PCSK6: variants seen among roughly 807,000 people sequenced by gnomAD.
PCSK6 encodes the protein proprotein convertase subtilisin/kexin type 6, also known as paired basic amino acid cleaving enzyme 4.
PCSK6 carries 85 observed loss-of-function variants against 123.3 expected under a neutral mutation model. The ratio of observed to expected loss-of-function variants is 0.69; its 90% CI spans 0.58 to 0.83. The LOEUF (loss-of-function observed/expected upper bound fraction) is 0.83. Ranked by LOEUF, PCSK6 falls within the 40% of genes least tolerant of loss-of-function variation. The pLI, the probability that PCSK6 is intolerant of heterozygous loss-of-function variation, is 0.00. For missense variants in PCSK6, 1,191 were observed against 1,282.3 expected (o/e 0.93, Z 1.09); for synonymous variants, 508 against 516.0 (o/e 0.98, Z 0.21).
At chr15:101,349,725 CG>C (rs2141407093) in intron 13 of PCSK6, among the ~76,000 whole-genome samples, 1 of 152,266 alleles carries the variant, frequency 6.6e-6, no homozygotes, top group African/African-American at 2.4e-5. Flanking sequence ...AGCCCGTCAC[CG>C]GTGCAGCCAG....
At chr15:101,342,129 C>CAAAAAAAAA (rs35083182) in intron 13 of PCSK6, among the ~76,000 whole-genome samples, 1,359 of 51,352 alleles carry the variant, frequency 0.026, 113 homozygotes, top group Non-Finnish European at 0.036. Flanking sequence ...GACCCTGTCT[C>CAAAAAAAAA]AAAAAAAAAA....
intron 6 of PCSK6, among the ~76,000 whole-genome samples, chr15:101,400,225 C>A (rs2042547638): frequency 6.6e-6 from 1 of 152,126 alleles, no homozygotes; most frequent in Admixed American, 6.5e-5. Flanking sequence ...TTGCCTCTGG[C>A]ATATACTTTC....
chr15:101,456,119 A>C (rs545978719), intron 1 of PCSK6, among the ~76,000 whole-genome samples: 1 of 152,388 alleles, frequency 6.6e-6, no homozygotes, highest in East Asian at 1.9e-4. Context: ...CAGAACTTGC[A>C]TACTCAAAGT....
intron 5 of PCSK6, among the ~76,000 whole-genome samples, chr15:101,429,344 G>T (rs2056368554): frequency 6.6e-6 from 1 of 152,130 alleles, no homozygotes; most frequent in South Asian, 2.1e-4. Context: ...CAAAATGACA[G>T]TGACACAAAA....
intron 20 of PCSK6, chr15:101,308,537 G>T (rs2039776191): frequency 6.6e-6 from 1 of 152,258 alleles, no homozygotes; most frequent in African/African-American, 2.4e-5. Context: ...TTCCTAGTGT[G>T]TCTGAGGATG....
At chr15:101,386,167 G>T (rs2042057373) in intron 9 of PCSK6, among the ~76,000 whole-genome samples, 1 of 152,096 alleles carries the variant, frequency 6.6e-6, no homozygotes, top group Non-Finnish European at 1.5e-5. Context: ...CGCGCCACAG[G>T]TGCTGCCTCA....
At chr15:101,309,144 T>G (rs901173795) in intron 20 of PCSK6, 2 of 152,784 alleles carry the variant, frequency 1.3e-5, no homozygotes, top group African/African-American at 4.8e-5. Context: ...CTCCCCGCTA[T>G]GCAGGCAGAA....
chr15:101,443,744 T>TCAGA, intron 1 of PCSK6, 84 bp from the exon 2 acceptor site: 5 of 937,716 alleles, frequency 5.3e-6, no homozygotes, highest in Non-Finnish European at 8.8e-6. Flanking sequence ...AATCTCCCCC[T>TCAGA]TATCTGAGGG....
intron 13 of PCSK6, among the ~76,000 whole-genome samples, chr15:101,360,838 G>C (rs991880981): frequency 6.6e-6 from 1 of 152,166 alleles, no homozygotes; most frequent in Non-Finnish European, 1.5e-5. Flanking sequence ...AGGCCTTCCC[G>C]GTACACCCTG....
chr15:101,458,397 G>T (rs1412373203), intron 1 of PCSK6, among the ~76,000 whole-genome samples: 1 of 152,148 alleles, frequency 6.6e-6, no homozygotes, highest in Non-Finnish European at 1.5e-5. Flanking sequence ...AGAGACCCGA[G>T]CTGGGCAATG....
intron 6 of PCSK6, among the ~76,000 whole-genome samples, chr15:101,403,213 T>C (rs539804039): frequency 4.7e-4 from 65 of 137,102 alleles, no homozygotes; most frequent in Middle Eastern, 4.5e-3. Context: ...TAGGTGGGAA[T>C]TGAACAATGA....
chr15:101,348,106 A>C (rs8038042), intron 13 of PCSK6, among the ~76,000 whole-genome samples: 39,253 of 152,098 alleles, frequency 0.26, 6,528 homozygotes, highest in African/African-American at 0.47. Context: ...GCCTGATACC[A>C]AGCCTCACCT....
At chr15:101,450,411 C>T (rs1030761379) in intron 1 of PCSK6, among the ~76,000 whole-genome samples, 2 of 152,192 alleles carry the variant, frequency 1.3e-5, no homozygotes, top group African/African-American at 4.8e-5. Context: ...TGCTTTTAAC[C>T]ATCCCCTCGG....
rs970938016 is a variant in PCSK6, at chr15:101,489,667, G to C, written c.4C>G (p.Pro2Ala). 293 of 976,194 alleles carry C rather than the reference G, an allele frequency of 3.0e-4. 1 individual carries two copies. Among genetic ancestry groups the C allele is most frequent in the Admixed American group, 1.0e-3 (16 of 15,684 alleles). The allele number at this position is 976,194 out of a possible 1,614,324, so 60.5% of individuals were successfully genotyped here. ...CCGGGCGCAGGCGGCGCGCGCGGAG[G>C]CATAGCGGCGACAGGCTCGCGCGGC... MPPRAPPAPGPR... is the reference protein window; with the variant it reads MAPRAPPAPGPR... Residue 2 changes from proline to alanine, a missense_variant, in exon 1 of 22, where the codon CCT becomes GCT. Physicochemically the swap from Pro to Ala is conservative, Grantham distance 27 (BLOSUM62 -1). Around this residue, in one of 3 missense-constraint regions of PCSK6, gnomAD observed 204 missense variants for 166.4 expected, o/e 1.23. Coordinates refer to ENST00000611716, the MANE Select transcript of PCSK6 (RefSeq NM_002570.5).
In PCSK6 at chr15:101,392,593, C is replaced by CTTTTTTTTTTTTTTTT. The variant is rs10525638; in HGVS notation, c.1209+603_1209+618dup. Among the ~76,000 whole-genome samples, 44 of 122,332 alleles carry CTTTTTTTTTTTTTTTT rather than the reference C, an allele frequency of 3.6e-4. 1 individual carries two copies. The highest frequency in any genetic ancestry group is 1.2e-3 in the African/African-American group (36 of 30,422). The allele number at this position is 122,332 out of a possible 152,430, so 80.3% of individuals were successfully genotyped here. On this transcript the variant is annotated intron_variant, in intron 8 of 21. Coordinates refer to ENST00000611716, the MANE Select transcript of PCSK6 (RefSeq NM_002570.5). The stretch of plus-strand genomic sequence containing the variant: ...TTTGAACTGGAAACCCTCCCTTCCT[C>CTTTTTTTTTTTTTTTT]TTTTTTTTTTTTTTTTTAAGTAGGA...
At chr15:101,471,298 A>G (rs1336513605) in intron 1 of PCSK6, among the ~76,000 whole-genome samples, 1 of 152,132 alleles carries the variant, frequency 6.6e-6, no homozygotes, top group Non-Finnish European at 1.5e-5. Context: ...ATCTCTAAAC[A>G]TAAATTTATG....
chr15:101,353,724 G>A (rs970872722), intron 13 of PCSK6, among the ~76,000 whole-genome samples: 2 of 152,228 alleles, frequency 1.3e-5, no homozygotes, highest in African/African-American at 2.4e-5. Flanking sequence ...GGGCTAAAGA[G>A]ATCAGATCAA....
intron 1 of PCSK6, among the ~76,000 whole-genome samples, chr15:101,457,100 A>G (rs759106944): frequency 1.3e-5 from 2 of 152,190 alleles, no homozygotes; most frequent in Non-Finnish European, 2.9e-5. Context: ...TTGAACCAGG[A>G]GGCGGAGGTT....
chr15:101,333,737 A>C (rs2141374432), intron 13 of PCSK6, among the ~76,000 whole-genome samples: 1 of 126,398 alleles, frequency 7.9e-6, no homozygotes, highest in East Asian at 2.7e-4. Flanking sequence ...CCAGAACAGG[A>C]GCTCCTGCTC....
Sources: allele counts gnomAD v4.1 joint callset (sites outside exome capture counted in the v4.1 genomes callset), GRCh38; gene constraint gnomAD v4.1.1; regional missense constraint gnomAD v4.1.1; transcripts MANE v1.5; gene names NCBI Gene and HGNC (gene_info 2026-07-23, HGNC 2026-07-21).